The following DAW1 variants were observed in gnomAD, a reference collection of about 807,000 sequenced individuals.
DAW1 encodes the protein dynein assembly factor with WD repeat domains 1.
In DAW1, 47 loss-of-function variants were observed where a neutral mutation model predicts 56.5. The ratio of observed to expected loss-of-function variants is 0.83; its 90% CI spans 0.66 to 1.06. DAW1 has a LOEUF of 1.06. Among genes scored for constraint, DAW1 ranks in the 50% least tolerant of loss-of-function variants. DAW1 has a pLI of 0.00. For missense variants in DAW1, 505 were observed against 499.3 expected, an observed-to-expected ratio of 1.01 and a Z score of -0.11; for synonymous variants, 190 against 179.0, an observed-to-expected ratio of 1.06 and a Z score of -0.49.
intron 11 of DAW1, among the ~76,000 whole-genome samples, chr2:227,919,060 G>A (rs969597275): frequency 6.6e-6 from 1 of 151,946 alleles, no homozygotes; most frequent in Non-Finnish European, 1.5e-5. Flanking sequence ...GCTGTGCATG[G>A]TGTTACCCAC....
chr2:227,891,416 T>G, intron 4 of DAW1, 103 bp downstream of exon 4: 2 of 983,740 alleles, frequency 2.0e-6, no homozygotes, highest in Non-Finnish European at 3.2e-6. Flanking sequence ...TTCATTTTTC[T>G]GATTTCAGTA....
intron 6 of DAW1, among the ~76,000 whole-genome samples, chr2:227,900,008 G>T (rs1339753503): frequency 3.3e-5 from 5 of 152,154 alleles, no homozygotes; most frequent in Middle Eastern, 3.2e-3. Flanking sequence ...CATCCATAAA[G>T]AACTCATGCT....
In DAW1 at chr2:227,901,662, C is replaced by T. The variant is rs1158200053; in HGVS notation, c.541-1340C>T. Among the ~76,000 whole-genome samples, 4 of 152,102 alleles carry T rather than the reference C, an allele frequency of 2.6e-5. No homozygotes were observed. The East Asian group carries it at 5.8e-4, about 22-fold the overall frequency. On this transcript the variant is annotated intron_variant, in intron 6 of 12. Transcript: ENST00000309931. Reference sequence around the variant, plus strand: ...TGCTGCAGATATCAGGGAGGTTAAGCGGGATGACCGACCAAACCTGGATTG... The same window carrying T: ...TGCTGCAGATATCAGGGAGGTTAAGTGGGATGACCGACCAAACCTGGATTG...
intron 3 of DAW1, among the ~76,000 whole-genome samples, 172 bp from the exon 4 acceptor site, chr2:227,891,082 AC>A (rs749213267): frequency 1.3e-5 from 2 of 152,252 alleles, no homozygotes. Flanking sequence ...AGAAAATGTT[AC>A]AAATTAGTGC....
chr2:227,893,143 A>G (rs113719682), intron 4 of DAW1, among the ~76,000 whole-genome samples: 19,112 of 151,322 alleles, frequency 0.13, 1,987 homozygotes, highest in African/African-American at 0.28. Flanking sequence ...ATGGTGGCGC[A>G]CCTCTAATCC....
intron 2 of DAW1, 84 bp downstream of exon 2, chr2:227,885,507 G>T: frequency 1.0e-6 from 1 of 988,376 alleles, no homozygotes; most frequent in South Asian, 1.9e-5. Context: ...TGCATAAACT[G>T]CAGATAATAC....
intron 10 of DAW1, among the ~76,000 whole-genome samples, chr2:227,908,900 G>A (rs1691749674): frequency 6.6e-6 from 1 of 152,142 alleles, no homozygotes. Context: ...TACAGATGAT[G>A]CTAAACTACA....
At chr2:227,895,891 A>G (rs1355898911) in intron 5 of DAW1, among the ~76,000 whole-genome samples, 1 of 152,222 alleles carries the variant, frequency 6.6e-6, no homozygotes, top group Non-Finnish European at 1.5e-5. Flanking sequence ...TTTAGGATGC[A>G]GATATGACAA....
chr2:227,885,746 G>A (rs1260194156), intron 2 of DAW1, among the ~76,000 whole-genome samples: 2 of 152,026 alleles, frequency 1.3e-5, no homozygotes, highest in East Asian at 1.9e-4. Context: ...TCAGATTAGC[G>A]GTGTACATTT....
At chr2:227,896,720 TA>T (rs2106199223) in intron 5 of DAW1, among the ~76,000 whole-genome samples, 1 of 151,936 alleles carries the variant, frequency 6.6e-6, no homozygotes, top group Non-Finnish European at 1.5e-5. Flanking sequence ...TTTGACTCAA[TA>T]AAGTAATTCT....
At chr2:227,889,003 A>G (rs1691196004) in intron 2 of DAW1, among the ~76,000 whole-genome samples, 1 of 152,218 alleles carries the variant, frequency 6.6e-6, no homozygotes, top group South Asian at 2.1e-4. Flanking sequence ...TTTTAAATCT[A>G]ATCTTTCTGA....
chr2:227,897,470 A>G (rs1559307729), intron 5 of DAW1, among the ~76,000 whole-genome samples: 1 of 152,236 alleles, frequency 6.6e-6, no homozygotes, highest in Non-Finnish European at 1.5e-5. Flanking sequence ...ACTGTAAATG[A>G]TAATCCAATT....
chr2:227,892,447 T>A (rs1361105156), intron 4 of DAW1, among the ~76,000 whole-genome samples: 1 of 152,190 alleles, frequency 6.6e-6, no homozygotes, highest in African/African-American at 2.4e-5. Context: ...ACTTAACTAT[T>A]AATAATTATA....
chr2:227,894,455 A>T (rs1041020504), intron 5 of DAW1, among the ~76,000 whole-genome samples: 6 of 152,080 alleles, frequency 3.9e-5, no homozygotes, highest in African/African-American at 1.4e-4. Context: ...GCTTCCAAGG[A>T]TCGCACGGTA....
chr2:227,914,081 T>C (rs969364094), intron 10 of DAW1, among the ~76,000 whole-genome samples: 3 of 152,022 alleles, frequency 2.0e-5, no homozygotes, highest in African/African-American at 7.2e-5. Context: ...TGGCATTTCT[T>C]TGATAAACAC....
chr2:227,919,420 G>T (rs1287944500), intron 11 of DAW1, among the ~76,000 whole-genome samples: 1 of 152,098 alleles, frequency 6.6e-6, no homozygotes, highest in Non-Finnish European at 1.5e-5. Flanking sequence ...GTCAGCAAAA[G>T]ATTTAGTTAG....
chr2:227,872,297 A>AAAAAAAAAAAAAAG (rs1553600898), intron 1 of DAW1: 3 of 131,464 alleles, frequency 2.3e-5, no homozygotes, highest in East Asian at 2.2e-4. Flanking sequence ...AAAAAAGAAA[A>AAAAAAAAAAAAAAG]AAAAGAAAAA....
intron 6 of DAW1, among the ~76,000 whole-genome samples, 157 bp from the exon 7 acceptor site, chr2:227,902,845 G>T (rs1393350142): frequency 6.6e-6 from 1 of 152,184 alleles, no homozygotes. Context: ...GACTCTGAAG[G>T]ACTCAACCTG....
At chr2:227,910,662 G>A (rs1054688188) in intron 10 of DAW1, among the ~76,000 whole-genome samples, 3 of 151,578 alleles carry the variant, frequency 2.0e-5, no homozygotes, top group African/African-American at 4.9e-5. Context: ...ATACTATTTC[G>A]GCATCATATT....
Sources: allele counts gnomAD v4.1 joint callset (sites outside exome capture counted in the v4.1 genomes callset), GRCh38; gene constraint gnomAD v4.1.1; transcripts MANE v1.5; gene names NCBI Gene and HGNC (gene_info 2026-07-23, HGNC 2026-07-21).